The following NUDT13 variants were observed in gnomAD, a reference collection of about 807,000 sequenced individuals.
NUDT13 encodes the protein nudix hydrolase 13, also known as NAD(P)H pyrophosphatase NUDT13, mitochondrial.
NUDT13 carries 40 observed loss-of-function variants against 41.7 expected under a neutral mutation model. The ratio of observed to expected loss-of-function variants is 0.96; its 90% confidence interval spans 0.75 to 1.25. The LOEUF is 1.25. Ranked by LOEUF, NUDT13 falls within the 50% of genes most tolerant of loss-of-function variation. NUDT13 has a pLI of 0.00. For synonymous variants in NUDT13, 145 were observed against 155.5 expected (o/e 0.93, Z 0.50); for missense variants, 390 against 416.1 (o/e 0.94, Z 0.55).
chr10:73,128,759 A>G (rs948181291), intron 8 of NUDT13, among the ~76,000 whole-genome samples: 2 of 152,156 alleles, frequency 1.3e-5, no homozygotes, highest in African/African-American at 4.8e-5. Flanking sequence ...CTACTTGTCT[A>G]TCTTTGCTTT....
chr10:73,124,977 A>T, intron 5 of NUDT13, 141 bp from the exon 6 acceptor site: 1 of 929,410 alleles, frequency 1.1e-6, no homozygotes, highest in Non-Finnish European at 1.5e-6. Flanking sequence ...CCTGAAATTT[A>T]AACAGTAACC....
In NUDT13 at chr10:73,111,023, C is replaced by A. The variant is rs1008688076; in HGVS notation, c.-10+456C>A. Among the ~76,000 whole-genome samples the A allele has an allele frequency of 4.6e-5, 7 of 152,298 alleles. No individual in the cohort carries two copies. The South Asian group carries it at 1.2e-3, about 27-fold the overall frequency. On this transcript the variant is annotated intron_variant, in intron 1 of 8. Transcript: ENST00000357321. Reference sequence around the variant, plus strand: ...GCGAAGTATCACTTGGTCGCCCAGGCTGGAGTGCAGTGACACGATCTCCAC... The same window carrying A: ...GCGAAGTATCACTTGGTCGCCCAGGATGGAGTGCAGTGACACGATCTCCAC...
At chr10:73,125,282 T>C (rs777854068) in intron 6 of NUDT13, 39 bp downstream of exon 6, 1 of 1,604,974 alleles carries the variant, frequency 6.2e-7, no homozygotes, top group Admixed American at 1.7e-5. Context: ...CCAAGAAGAC[T>C]GTGCGCTGCT....
chr10:73,127,325 G>A (rs373103196), intron 8 of NUDT13, among the ~76,000 whole-genome samples: 2 of 151,982 alleles, frequency 1.3e-5, no homozygotes, highest in East Asian at 3.9e-4. Context: ...GTTGCAGTGA[G>A]CTGAGGTCGC....
chr10:73,122,331 G>T (rs374975207), intron 4 of NUDT13, 22 bp downstream of exon 4: 1 of 1,596,030 alleles, frequency 6.3e-7, no homozygotes, highest in East Asian at 2.3e-5. Flanking sequence ...TATTCCTAAC[G>T]GGTACTTCCC....
chr10:73,111,286 G>T (rs1000384922), intron 1 of NUDT13, among the ~76,000 whole-genome samples: 1 of 152,042 alleles, frequency 6.6e-6, no homozygotes, highest in Non-Finnish European at 1.5e-5. Flanking sequence ...CCTAAAAAAA[G>T]GTCTCTTAAA....
intron 4 of NUDT13, 30 bp downstream of exon 4, chr10:73,122,339 C>T (rs781729419): frequency 6.4e-7 from 1 of 1,560,924 alleles, no homozygotes; most frequent in Admixed American, 2.1e-5. Flanking sequence ...ACGGGTACTT[C>T]CCAGTGGTCT....
intron 8 of NUDT13, among the ~76,000 whole-genome samples, chr10:73,127,144 G>T (rs1463041969): frequency 6.6e-6 from 1 of 152,130 alleles, no homozygotes; most frequent in Non-Finnish European, 1.5e-5. Context: ...ACTTTGGGAG[G>T]CTGAGGTGGG....
intron 4 of NUDT13, among the ~76,000 whole-genome samples, chr10:73,122,612 C>T (rs910026757): frequency 6.6e-6 from 1 of 152,082 alleles, no homozygotes; most frequent in African/African-American, 2.4e-5. Context: ...CTTGCTGTCA[C>T]CCAGGCTGGA....
At chr10:73,129,214 C>T (rs1320944255) in intron 8 of NUDT13, among the ~76,000 whole-genome samples, 1 of 147,152 alleles carries the variant, frequency 6.8e-6, no homozygotes, top group African/African-American at 2.6e-5. Flanking sequence ...TTCTTGTCGC[C>T]CAGGCTGGAG....
intron 2 of NUDT13, among the ~76,000 whole-genome samples, chr10:73,119,693 A>G (rs1842596738): frequency 1.3e-5 from 2 of 152,216 alleles, no homozygotes; most frequent in South Asian, 4.1e-4. Flanking sequence ...GAGCCATTCA[A>G]TATGCTAACT....
chr10:73,124,343 G>A (rs1309638687), intron 5 of NUDT13, 23 bp downstream of exon 5: 1 of 1,539,828 alleles, frequency 6.5e-7, no homozygotes, highest in Admixed American at 1.7e-5. Flanking sequence ...TTCTCATTCT[G>A]TAGGAAATTT....
In NUDT13 at chr10:73,125,427, A is replaced by G. The variant is rs1214623734; in HGVS notation, c.621A>G (p.Ser207=). The change falls in exon 7 of 9, where the codon TCA becomes TCG. Residue 207 remains serine (S), a synonymous_variant. Transcript: ENST00000357321. ...QMAPVAITLV[S]DGTRCLLARQ... ...CTCCTGTGGCGATCACGCTGGTGTC[A>G]GATGGGACCCGATGCCTGCTTGCCC... The G allele has an allele frequency of 6.2e-7, 1 of 1,613,650 alleles. No homozygotes were observed.
At chr10:73,115,342 A>G (rs1681976312) in intron 2 of NUDT13, among the ~76,000 whole-genome samples, 1 of 151,944 alleles carries the variant, frequency 6.6e-6, no homozygotes, top group Non-Finnish European at 1.5e-5. Flanking sequence ...ATGCCTGGCT[A>G]ATTTTTATAT....
rs114065030 is a variant in NUDT13, at chr10:73,118,616, T to C, written c.84-1402T>C. On this transcript the variant is annotated intron_variant, in intron 2 of 8. Transcript: ENST00000357321. ...AAGCCTGGTACTTACCCCATTACTA[T>C]TGCCTGTTTTTGAGAAACCAAGAAT... 9.4e-3 allele frequency among the ~76,000 whole-genome samples: 1,439 copies of C among 152,292 alleles called. 24 individuals carry two copies. The highest frequency in any genetic ancestry group is 0.033 in the African/African-American group (1,354 of 41,550).
intron 1 of NUDT13, among the ~76,000 whole-genome samples, chr10:73,114,119 G>A (rs1173480155): frequency 6.6e-6 from 1 of 152,004 alleles, no homozygotes; most frequent in Non-Finnish European, 1.5e-5. Context: ...CTCTAAGTGG[G>A]TAGAACAGGT....
chr10:73,124,168 CAA>C (rs1842717210), intron 4 of NUDT13, 44 bp from the exon 5 acceptor site: 1 of 1,373,456 alleles, frequency 7.3e-7, no homozygotes, highest in South Asian at 1.2e-5. Context: ...GGCCCTGAGG[CAA>C]AGTTTGTCAT....
At chr10:73,115,625 TTGAA>T (rs1459202536) in intron 2 of NUDT13, among the ~76,000 whole-genome samples, 31 of 152,166 alleles carry the variant, frequency 2.0e-4, no homozygotes, top group Non-Finnish European at 2.9e-5. Context: ...TAAAGTACTG[TTGAA>T]TGAATGAACA....
intron 1 of NUDT13, among the ~76,000 whole-genome samples, chr10:73,112,577 T>A (rs1452527121): frequency 2.6e-5 from 4 of 151,918 alleles, no homozygotes; most frequent in Non-Finnish European, 5.9e-5. Flanking sequence ...TTGATACAGG[T>A]ATACATTGTG....
Sources: gnomAD v4.1 joint callset for allele counts (sites outside exome capture counted in the v4.1 genomes callset) on GRCh38, gnomAD v4.1.1 for gene constraint, MANE v1.5 for transcripts, NCBI Gene and HGNC (gene_info 2026-07-23, HGNC 2026-07-21) for gene names.